ELOVL5: variants seen among roughly 807,000 people sequenced by gnomAD.
The protein encoded by ELOVL5 is very long chain fatty acid elongase 5.
A neutral mutation model predicts 38.6 loss-of-function variants in ELOVL5; 8 were observed. That is an observed-to-expected ratio of 0.21 (90% CI 0.12 to 0.37). The LOEUF (loss-of-function observed/expected upper bound fraction) is 0.37, where lower values mean the gene tolerates loss of function less well. Among genes scored for constraint, ELOVL5 ranks in the 10% least tolerant of loss-of-function variants. The pLI is 1.00. For synonymous variants in ELOVL5, 127 were observed against 133.7 expected (o/e 0.95, Z 0.34); for missense variants, 280 against 367.8 (o/e 0.76, Z 1.95).
At chr6:53,301,449 G>C (rs1210613746) in intron 1 of ELOVL5, among the ~76,000 whole-genome samples, 1 of 152,198 alleles carries the variant, frequency 6.6e-6, no homozygotes, top group East Asian at 1.9e-4. Flanking sequence ...CCCACACACT[G>C]ACAGGAAAAT....
intron 7 of ELOVL5, 90 bp from the exon 8 acceptor site, chr6:53,269,360 T>C (rs1398227796): frequency 3.0e-6 from 3 of 1,007,118 alleles, no homozygotes; most frequent in East Asian, 5.5e-5. Flanking sequence ...ACACTAGGCC[T>C]AGTTTCAAGA....
chr6:53,302,500 C>T (rs547838463), intron 1 of ELOVL5, among the ~76,000 whole-genome samples: 44 of 152,174 alleles, frequency 2.9e-4, no homozygotes, highest in African/African-American at 9.6e-4. Flanking sequence ...AGATGAAGTA[C>T]GTCTCAAGGA....
chr6:53,290,964 C>T (rs1446953895), intron 3 of ELOVL5, among the ~76,000 whole-genome samples: 2 of 152,056 alleles, frequency 1.3e-5, no homozygotes, highest in Admixed American at 6.6e-5. Flanking sequence ...GGGCTTAATT[C>T]TCCAGAAGAG....
intron 3 of ELOVL5, among the ~76,000 whole-genome samples, chr6:53,280,413 G>A (rs866953864): frequency 1.3e-5 from 2 of 152,126 alleles, no homozygotes; most frequent in Non-Finnish European, 1.5e-5. Context: ...TCCTTCCTTG[G>A]AGTAAAGCAA....
At chr6:53,299,201 T>C (rs983553360) in intron 1 of ELOVL5, among the ~76,000 whole-genome samples, 1 of 152,160 alleles carries the variant, frequency 6.6e-6, no homozygotes, top group Non-Finnish European at 1.5e-5. Flanking sequence ...GCTGAATATA[T>C]GTTCAAAACC....
At chr6:53,305,959 C>T (rs184966169) in intron 1 of ELOVL5, among the ~76,000 whole-genome samples, 6 of 151,942 alleles carry the variant, frequency 3.9e-5, no homozygotes, top group East Asian at 3.9e-4. Flanking sequence ...CCCGGCACCT[C>T]GGGATGCCGA....
chr6:53,348,622 G>T lies in ELOVL5; in HGVS notation c.-9+195C>A, dbSNP rs373908803. Among the ~76,000 whole-genome samples the T allele has an allele frequency of 3.7e-3, 558 of 152,324 alleles. 2 individuals carry two copies. Among genetic ancestry groups the T allele is most frequent in the African/African-American group, 0.013 (528 of 41,580 alleles). On this transcript the variant is annotated intron_variant, in intron 1 of 7. Coordinates refer to ENST00000304434, the MANE Select transcript of ELOVL5 (RefSeq NM_021814.5). ...CCGCACCCCTTTCCCCGCGCCCGAG[G>T]AGCCGGGCTGTACCCCGGAGCCGGC...
At chr6:53,311,889 T>C (rs531007865) in intron 1 of ELOVL5, among the ~76,000 whole-genome samples, 7 of 152,292 alleles carry the variant, frequency 4.6e-5, no homozygotes, top group African/African-American at 1.7e-4. Flanking sequence ...TTAGATATAC[T>C]TAAAAATTAA....
intron 1 of ELOVL5, among the ~76,000 whole-genome samples, chr6:53,310,910 A>G (rs1428327283): frequency 1.3e-5 from 2 of 152,332 alleles, no homozygotes; most frequent in East Asian, 1.9e-4. Context: ...GAAAGGGTAA[A>G]TAATTGCTAT....
chr6:53,336,008 C>T (rs77218686), intron 1 of ELOVL5, among the ~76,000 whole-genome samples: 2,209 of 152,290 alleles, frequency 0.015, 62 homozygotes, highest in African/African-American at 0.05. Flanking sequence ...GAGATACACA[C>T]TTCTACTTTG....
chr6:53,304,783 T>C (rs891436605), intron 1 of ELOVL5, among the ~76,000 whole-genome samples: 8 of 152,236 alleles, frequency 5.3e-5, no homozygotes, highest in African/African-American at 1.9e-4. Flanking sequence ...CAGAAGAATT[T>C]TTCTTAGTAC....
At chr6:53,311,691 G>GA (rs1767840651) in intron 1 of ELOVL5, among the ~76,000 whole-genome samples, 1 of 152,158 alleles carries the variant, frequency 6.6e-6, no homozygotes, top group African/African-American at 2.4e-5. Context: ...TATCATGAAT[G>GA]AATCTGGAAA....
rs555516056 is a variant in ELOVL5, at chr6:53,269,136, C to T, written c.891G>A (p.Arg297=). 1.9e-6 allele frequency: 3 copies of T among 1,613,432 alleles called. No individual in the cohort carries two copies. The highest frequency in any genetic ancestry group is 2.5e-6 in the Non-Finnish European group (3 of 1,179,802). The change falls in exon 8 of 8, where the codon CGG becomes CGA. Residue 297 remains arginine, a synonymous_variant. Coordinates refer to ENST00000304434, the MANE Select transcript of ELOVL5 (RefSeq NM_021814.5). ...TTTCAATTCTTTGACTTCAATCCTT[C>T]CGCAGCTTCCTTGGCTTCACATTGT... ...LENNVKPRKL[R]KD
intron 1 of ELOVL5, among the ~76,000 whole-genome samples, chr6:53,337,649 C>T (rs1355072062): frequency 6.6e-6 from 1 of 152,140 alleles, no homozygotes; most frequent in Non-Finnish European, 1.5e-5. Flanking sequence ...CATTCAGGCA[C>T]GTAATTGCTA....
intron 1 of ELOVL5, among the ~76,000 whole-genome samples, chr6:53,319,997 G>C (rs1014094816): frequency 2.6e-5 from 4 of 152,176 alleles, no homozygotes; most frequent in Admixed American, 6.5e-5. Flanking sequence ...AAGTCACATA[G>C]AGATGAAGCT....
At chr6:53,284,110 A>C (rs1303258192) in intron 3 of ELOVL5, among the ~76,000 whole-genome samples, 2 of 152,114 alleles carry the variant, frequency 1.3e-5, no homozygotes, top group African/African-American at 4.8e-5. Context: ...ATTTGAGACC[A>C]GCTTGGGCAA....
intron 1 of ELOVL5, among the ~76,000 whole-genome samples, chr6:53,348,192 T>C (rs1004127191): frequency 3.9e-5 from 6 of 152,092 alleles, no homozygotes; most frequent in Non-Finnish European, 5.9e-5. Context: ...CAATAAAAAC[T>C]GAAGCGGTCC....
chr6:53,323,217 C>T (rs1383151434), intron 1 of ELOVL5, among the ~76,000 whole-genome samples: 1 of 152,180 alleles, frequency 6.6e-6, no homozygotes, highest in Non-Finnish European at 1.5e-5. Flanking sequence ...TAACACACTA[C>T]TGGGTCCCAA....
intron 1 of ELOVL5, among the ~76,000 whole-genome samples, chr6:53,297,781 G>C (rs955673893): frequency 7.9e-5 from 12 of 151,964 alleles, no homozygotes; most frequent in Non-Finnish European, 1.5e-5. Flanking sequence ...ACTCCCTGAC[G>C]ATGAGGGGGT....
Sources: gnomAD v4.1 joint callset for allele counts (sites outside exome capture counted in the v4.1 genomes callset) on GRCh38, gnomAD v4.1.1 for gene constraint, MANE v1.5 for transcripts, NCBI Gene and HGNC (gene_info 2026-07-23, HGNC 2026-07-21) for gene names.